LYSMD1: variants seen among roughly 807,000 people sequenced by gnomAD.
The protein encoded by LYSMD1 is lysM and putative peptidoglycan-binding domain-containing protein 1.
A neutral mutation model predicts 19.3 loss-of-function variants in LYSMD1; 9 were observed. The observed-to-expected ratio is 0.47, with a 90% CI of 0.28 to 0.81. The LOEUF (loss-of-function observed/expected upper bound fraction) is 0.81. Among genes scored for constraint, LYSMD1 ranks in the 40% least tolerant of loss-of-function variants. LYSMD1 has a pLI of 0.11. For synonymous variants in LYSMD1, 111 were observed against 111.7 expected (o/e 0.99, Z 0.04); for missense variants, 262 against 279.8 (o/e 0.94, Z 0.45).
chr1:151,159,469 C>T (rs1683357947), downstream of LYSMD1: 1 of 545,546 alleles, frequency 1.8e-6, no homozygotes, highest in Middle Eastern at 5.2e-4. Context: ...CCACTCCAGC[C>T]CCAGGACAGG....
At chr1:151,164,346 G>A (rs1683576687) in intron 1 of LYSMD1, among the ~76,000 whole-genome samples, 1 of 152,172 alleles carries the variant, frequency 6.6e-6, no homozygotes, top group African/African-American at 2.4e-5. Context: ...TTATCACAGT[G>A]CTTTAAATAC....
rs1683412921 is a variant in LYSMD1 at position 151,160,736 on chromosome 1, T to A, written c.*146A>T. On this transcript the variant is annotated 3_prime_UTR_variant, in exon 3 of 3. Coordinates refer to ENST00000368908, the MANE Select transcript of LYSMD1 (RefSeq NM_212551.5). Reference sequence around the variant, plus strand: ...AATAAAACTGCCCCAGGCCAAGGAATTTTTGGCAGACAAGGAGGCTGGGGA... The same window carrying A: ...AATAAAACTGCCCCAGGCCAAGGAAATTTTGGCAGACAAGGAGGCTGGGGA... The A allele has an allele frequency of 4.0e-6, 4 of 1,005,432 alleles. No individual in the cohort carries two copies. Among genetic ancestry groups the A allele is most frequent in the Non-Finnish European group, 5.7e-6 (4 of 699,012 alleles). 62.3% of individuals were successfully genotyped at this position (1,005,432 alleles called of 1,614,324 possible).
Position 151,160,905 on chromosome 1 carries a change from C to T in LYSMD1, c.661G>A (p.Glu221Lys), listed in dbSNP as rs756352911. ...CATCAGAGTTTGAAGATTTCATCCT[C>T]CTGGTCCCGTAGTGTCCGGGTCCGA... is the stretch of plus-strand genomic sequence containing the variant. ...TSRTRTLRDQ[E>K]DEIFKL The change falls in exon 3 of 3, where the codon GAG (glutamate) becomes AAG (lysine). Residue 221 changes from glutamate (E) to lysine (K), a missense_variant. Physicochemically the swap from Glu to Lys is moderately conservative, Grantham distance 56. Transcript: ENST00000368908. The T allele has an allele frequency of 3.1e-6, 5 of 1,614,048 alleles. No homozygotes were observed. The highest frequency in any genetic ancestry group is 3.4e-6 in the Non-Finnish European group (4 of 1,179,912).
chr1:151,157,295 A>C (rs754169470), downstream of LYSMD1, among the ~76,000 whole-genome samples: 22 of 152,172 alleles, frequency 1.4e-4, no homozygotes, highest in Non-Finnish European at 2.6e-4. Context: ...AAAAACCCCC[A>C]CAGTCTCCAC....
chr1:151,149,845 A>G, the LYSMD1 span, among the ~76,000 whole-genome samples: 1 of 152,070 alleles, frequency 6.6e-6, no homozygotes, highest in African/African-American at 2.4e-5. Context: ...CTTTTTTTGC[A>G]AGTTCCTTTC....
the LYSMD1 span, among the ~76,000 whole-genome samples, chr1:151,150,882 G>GCGC: frequency 4.6e-5 from 7 of 151,700 alleles, no homozygotes; most frequent in Non-Finnish European, 1.0e-4. Flanking sequence ...GGGATTACAG[G>GCGC]CGCCCACCAC....
rs1441859303 is a variant in LYSMD1, at chr1:151,165,809, G to T, written c.-551C>A. 4 of 1,537,270 alleles carry T rather than the reference G, an allele frequency of 2.6e-6. No individual in the cohort carries two copies. The highest frequency in any genetic ancestry group is 2.4e-5 in the South Asian group (2 of 83,750). The stretch of plus-strand genomic sequence containing the variant: ...AGATAGGTCACACCCTCAAATTTCG[G>T]CTCCACATCTAGGTTGTTGTCCCTC... On this transcript the variant is annotated 5_prime_UTR_variant, in exon 1 of 3. Transcript: ENST00000368908.
At chr1:151,154,215 C>A in the LYSMD1 span, among the ~76,000 whole-genome samples, 1 of 152,134 alleles carries the variant, frequency 6.6e-6, no homozygotes, top group Non-Finnish European at 1.5e-5. Flanking sequence ...CGCTATGGCT[C>A]ATGCCTGTAA....
Position 151,160,683 on chromosome 1 carries a change from G to T in LYSMD1, c.*199C>A. The T allele has an allele frequency of 2.0e-6, 1 of 493,816 alleles. No homozygotes were observed. The highest frequency in any genetic ancestry group is 3.6e-6 in the Non-Finnish European group (1 of 278,386). 30.6% of individuals were successfully genotyped at this position (493,816 alleles called of 1,614,324 possible). A position where few individuals can be genotyped will look rare whatever the true frequency, so the allele number is the denominator to read the frequency against. Reference sequence around the variant, plus strand: ...TAGATTCAGCCCAAGAACTGGGAAAGGTCCAGTTCCCATTCCCTAATCTTG... The same window carrying T: ...TAGATTCAGCCCAAGAACTGGGAAATGTCCAGTTCCCATTCCCTAATCTTG... On this transcript the variant is annotated 3_prime_UTR_variant, in exon 3 of 3. Transcript: ENST00000368908.
downstream of LYSMD1, chr1:151,159,450 G>T: frequency 1.7e-6 from 1 of 589,972 alleles, no homozygotes; most frequent in South Asian, 2.1e-5. Context: ...GAGGGGTGAG[G>T]CCTCTCTCCC....
At chr1:151,158,722 C>G (rs1490333431), downstream of LYSMD1, 1 of 1,608,804 alleles carries the variant, frequency 6.2e-7, no homozygotes, top group Admixed American at 1.7e-5. Context: ...CTCAAAGAGC[C>G]TGGCACTGCA....
the LYSMD1 span, among the ~76,000 whole-genome samples, chr1:151,149,341 G>A: frequency 1.3e-5 from 2 of 152,134 alleles, no homozygotes; most frequent in African/African-American, 4.8e-5. Context: ...AGATTGCAGT[G>A]AGCCAAGATC....
intron 1 of LYSMD1, among the ~76,000 whole-genome samples, chr1:151,163,876 CTTTGTGTGTG>C (rs925211752): frequency 7.5e-6 from 1 of 133,348 alleles, no homozygotes; most frequent in African/African-American, 3.7e-5. Flanking sequence ...GATTTCCTAT[CTTTGTGTGTG>C]TGTGTGTGTG....
chr1:151,161,541 C>T (rs1239955060), intron 2 of LYSMD1, among the ~76,000 whole-genome samples, 195 bp downstream of exon 2: 1 of 151,988 alleles, frequency 6.6e-6, no homozygotes, highest in Non-Finnish European at 1.5e-5. Flanking sequence ...AATAAGAACA[C>T]AGAACCCAGT....
At chr1:151,164,737 T>C (rs1683599666) in intron 1 of LYSMD1, among the ~76,000 whole-genome samples, 1 of 152,240 alleles carries the variant, frequency 6.6e-6, no homozygotes, top group Non-Finnish European at 1.5e-5. Flanking sequence ...GCTCATTATT[T>C]GACCTTAGCC....
At chr1:151,158,874 G>A (rs776872565), downstream of LYSMD1, 12 of 1,614,124 alleles carry the variant, frequency 7.4e-6, no homozygotes, top group Non-Finnish European at 9.3e-6. Context: ...CCCAGCGCGT[G>A]ATCAAGGACC....
At chr1:151,158,842 T>A (rs1683326066), downstream of LYSMD1, 1 of 1,613,570 alleles carries the variant, frequency 6.2e-7, no homozygotes. Flanking sequence ...GTCCAAGGAG[T>A]ACACGCACAG....
At chr1:151,159,122 G>T, downstream of LYSMD1, 1 of 1,614,090 alleles carries the variant, frequency 6.2e-7, no homozygotes, top group Non-Finnish European at 8.5e-7. Flanking sequence ...TCACATGGCC[G>T]CATCCGCCAC....
In LYSMD1 at chr1:151,160,762, G is replaced by T; in HGVS notation, c.*120C>A. 7.9e-7 allele frequency: 1 copy of T among 1,273,042 alleles called. No individual in the cohort carries two copies. The highest frequency in any genetic ancestry group is 1.1e-6 in the Non-Finnish European group (1 of 920,594). 78.9% of individuals were successfully genotyped at this position (1,273,042 alleles called of 1,614,324 possible). A position where few individuals can be genotyped will look rare whatever the true frequency, so the allele number is the denominator to read the frequency against. On this transcript the variant is annotated 3_prime_UTR_variant, in exon 3 of 3. Transcript: ENST00000368908. ...TTTTGGCAGACAAGGAGGCTGGGGA[G>T]GATGGCTGGAGTGGAGGGAGGCAGG...
Sources: allele counts gnomAD v4.1 joint callset (sites outside exome capture counted in the v4.1 genomes callset), GRCh38; gene constraint gnomAD v4.1.1; transcripts MANE v1.5; gene names NCBI Gene and HGNC (gene_info 2026-07-23, HGNC 2026-07-21).